PKP4: variants seen among roughly 807,000 people sequenced by gnomAD.
PKP4 encodes the protein plakophilin-4.
In PKP4, 90 loss-of-function variants were observed where a neutral mutation model predicts 145.1. The ratio of observed to expected loss-of-function variants is 0.62; its 90% CI spans 0.52 to 0.74. The LOEUF (loss-of-function observed/expected upper bound fraction) is 0.74, where lower values mean the gene tolerates loss of function less well. Among genes scored for constraint, PKP4 ranks in the 30% least tolerant of loss-of-function variants. The pLI is 0.00. For missense variants in PKP4, 1,340 were observed against 1,482.7 expected, an observed-to-expected ratio of 0.90 and a Z score of 1.58; for synonymous variants, 563 against 577.2, an observed-to-expected ratio of 0.98 and a Z score of 0.35.
chr2:158,457,183 C>T lies in PKP4; in HGVS notation c.-41C>T, dbSNP rs1245817287. 2.6e-5 allele frequency: 4 copies of T among 151,694 alleles called. No individual in the cohort carries two copies. The highest frequency in any genetic ancestry group is 2.1e-4 in the South Asian group (1 of 4,828). 9.4% of individuals were successfully genotyped at this position (151,694 alleles called of 1,614,324 possible). ...ACCCCTCGGCGCCGATGTCCCTGAT[C>T]CCTGGAGCGACGACGGCCGCTGCCT... On this transcript the variant is annotated 5_prime_UTR_variant, in exon 1 of 22. Transcript: ENST00000389759.
At chr2:158,457,368 G>T in intron 1 of PKP4, 150 bp downstream of exon 1, 1 of 152,096 alleles carries the variant, frequency 6.6e-6, no homozygotes, top group Non-Finnish European at 1.5e-5. Flanking sequence ...CGCGGCCGCC[G>T]CGGCTTTCCT....
At chr2:158,508,544 A>G (rs551645612) in intron 1 of PKP4, among the ~76,000 whole-genome samples, 1 of 152,316 alleles carries the variant, frequency 6.6e-6, no homozygotes, top group South Asian at 2.1e-4. Flanking sequence ...TTCCTAGAGT[A>G]CTAGTAGTAA....
intron 1 of PKP4, among the ~76,000 whole-genome samples, chr2:158,464,765 C>T (rs1206312585): frequency 6.6e-6 from 1 of 152,180 alleles, no homozygotes; most frequent in Non-Finnish European, 1.5e-5. Flanking sequence ...GACACCTGTA[C>T]CCTGAGTTGA....
At chr2:158,610,958 C>T (rs3755415) in intron 4 of PKP4, among the ~76,000 whole-genome samples, 2 of 151,910 alleles carry the variant, frequency 1.3e-5, no homozygotes, top group Non-Finnish European at 2.9e-5. Context: ...AGAAAGTGTT[C>T]GAGAAATTGA....
intron 7 of PKP4, among the ~76,000 whole-genome samples, chr2:158,630,960 C>T (rs555553782): frequency 5.0e-4 from 40 of 80,496 alleles, no homozygotes; most frequent in African/African-American, 1.4e-3. Flanking sequence ...GTTTTTGAGA[C>T]GGCGTCTTGC....
At position 158,521,977 on chromosome 2, in the gene PKP4, G is replaced by A. The variant is rs141600814; in HGVS notation, c.-5-11203G>A. ...TTTAACCTTTATTTTTTATTAATTT[G>A]TTCTTAGGCATCATTATTTTGTCAT... On this transcript the variant is annotated intron_variant, in intron 1 of 21. Transcript: ENST00000389759. Among the ~76,000 whole-genome samples, 1,084 of 151,776 alleles carry A rather than the reference G, an allele frequency of 7.1e-3. 3 individuals carry two copies. The highest frequency in any genetic ancestry group is 0.013 in the South Asian group (62 of 4,804).
chr2:158,662,049 A>G (rs2056642634), intron 13 of PKP4, among the ~76,000 whole-genome samples: 4 of 152,268 alleles, frequency 2.6e-5, no homozygotes, highest in Admixed American at 6.5e-5. Flanking sequence ...AGGAAAGTGG[A>G]AAGAACAGGA....
chr2:158,523,911 G>T (rs1453503846), intron 1 of PKP4, among the ~76,000 whole-genome samples: 1 of 135,872 alleles, frequency 7.4e-6, no homozygotes, highest in South Asian at 2.7e-4. Context: ...ATGAAATGAA[G>T]CGAGAAGGGA....
chr2:158,636,165 C>T (rs867120931), intron 9 of PKP4, among the ~76,000 whole-genome samples: 1 of 152,098 alleles, frequency 6.6e-6, no homozygotes, highest in Middle Eastern at 3.4e-3. Flanking sequence ...AACTCATTTC[C>T]CTTTGGCCTA....
rs1365790097 is a variant in PKP4, at chr2:158,469,889, G to A, written c.-6+12671G>A. Among the ~76,000 whole-genome samples the A allele has an allele frequency of 3.9e-5, 6 of 152,106 alleles. No homozygotes were observed. In the East Asian group the frequency reaches 1.2e-3, roughly 29 times the overall value. On this transcript the variant is annotated intron_variant, in intron 1 of 21. Transcript: ENST00000389759. Reference sequence around the variant, plus strand: ...CCTGAAGGTTTTTCTGTGATTACCTGTTATGTCCTTCTCTGCCTGGTGAGC... The same window carrying A: ...CCTGAAGGTTTTTCTGTGATTACCTATTATGTCCTTCTCTGCCTGGTGAGC...
intron 1 of PKP4, among the ~76,000 whole-genome samples, chr2:158,529,305 G>A (rs2043296388): frequency 1.3e-5 from 2 of 152,178 alleles, no homozygotes; most frequent in Non-Finnish European, 2.9e-5. Flanking sequence ...GCCTCCTTCA[G>A]AGGCTTATAG....
At chr2:158,651,837 G>A (rs567065250) in intron 11 of PKP4, among the ~76,000 whole-genome samples, 1 of 152,104 alleles carries the variant, frequency 6.6e-6, no homozygotes, top group Non-Finnish European at 1.5e-5. Flanking sequence ...ATTACCTGCT[G>A]CTTGGTGTTT....
intron 1 of PKP4, among the ~76,000 whole-genome samples, chr2:158,503,878 G>A (rs1696932620): frequency 6.7e-6 from 1 of 149,638 alleles, no homozygotes; most frequent in East Asian, 2.0e-4. Flanking sequence ...TGTACCCAGA[G>A]TTTCTGATTC....
intron 1 of PKP4, among the ~76,000 whole-genome samples, chr2:158,487,033 A>G (rs1273112971): frequency 1.3e-5 from 2 of 152,204 alleles, no homozygotes; most frequent in Admixed American, 6.5e-5. Context: ...GCCCTGTGAT[A>G]TATTCCATAT....
intron 9 of PKP4, among the ~76,000 whole-genome samples, chr2:158,637,899 C>A (rs150861747): frequency 3.5e-4 from 53 of 152,320 alleles, no homozygotes; most frequent in African/African-American, 1.2e-3. Flanking sequence ...TAAATTTCTA[C>A]TGAATTTTCA....
intron 4 of PKP4, among the ~76,000 whole-genome samples, chr2:158,608,816 T>TC (rs1214600413): frequency 7.3e-6 from 1 of 136,572 alleles, no homozygotes; most frequent in South Asian, 2.4e-4. Flanking sequence ...TTCTTTTTTT[T>TC]TTTTTTTTTT....
At chr2:158,506,968 T>C (rs947642878) in intron 1 of PKP4, among the ~76,000 whole-genome samples, 6 of 152,332 alleles carry the variant, frequency 3.9e-5, no homozygotes, top group African/African-American at 1.4e-4. Flanking sequence ...AGGTTGCTGC[T>C]ACTATTTGTC....
At chr2:158,591,239 CT>C (rs1295994257) in intron 3 of PKP4, among the ~76,000 whole-genome samples, 1 of 151,992 alleles carries the variant, frequency 6.6e-6, no homozygotes, top group African/African-American at 2.4e-5. Context: ...AACCACCCAA[CT>C]GTTTTTAAAT....
intron 1 of PKP4, among the ~76,000 whole-genome samples, chr2:158,482,264 A>G (rs1201002078): frequency 6.6e-6 from 1 of 152,270 alleles, no homozygotes; most frequent in Non-Finnish European, 1.5e-5. Context: ...TAGATGTGCT[A>G]TATCCTGAAA....
Sources: allele counts gnomAD v4.1 joint callset (sites outside exome capture counted in the v4.1 genomes callset), GRCh38; gene constraint gnomAD v4.1.1; transcripts MANE v1.5; gene names NCBI Gene and HGNC (gene_info 2026-07-23, HGNC 2026-07-21).